DTX2: variants seen among roughly 807,000 people sequenced by gnomAD.
The protein encoded by DTX2 is deltex E3 ubiquitin ligase 2, also known as probable E3 ubiquitin-protein ligase DTX2.
A neutral mutation model predicts 55.3 loss-of-function variants in DTX2; 29 were observed. The ratio of observed to expected loss-of-function variants is 0.52; its 90% CI spans 0.39 to 0.71. The LOEUF is 0.71. DTX2 is among the 30% of genes least tolerant of loss of function. DTX2 has a pLI of 0.00. For synonymous variants in DTX2, 276 were observed against 340.4 expected, an observed-to-expected ratio of 0.81 and a Z score of 2.08; for missense variants, 537 against 822.5, an observed-to-expected ratio of 0.65 and a Z score of 4.25.
At chr7:76,471,555 G>T (rs1407207599) in intron 2 of DTX2, among the ~76,000 whole-genome samples, 3 of 150,448 alleles carry the variant, frequency 2.0e-5, no homozygotes, top group South Asian at 2.1e-4. Context: ...AAGAGACAGG[G>T]TCTCGCTCTG....
At chr7:76,503,396 A>G (rs766432007) in intron 8 of DTX2, 30 bp from the exon 9 acceptor site, 110 of 1,603,920 alleles carry the variant, frequency 6.9e-5, no homozygotes, top group Non-Finnish European at 4.3e-5. Flanking sequence ...TCAGACTGCC[A>G]GCTCAGTGGG....
intron 2 of DTX2, among the ~76,000 whole-genome samples, chr7:76,468,719 A>G (rs1441798183): frequency 1.4e-5 from 1 of 70,068 alleles, no homozygotes; most frequent in Non-Finnish European, 2.6e-5. Context: ...TTGGCCTCCC[A>G]AAGTGCTGGG....
intron 2 of DTX2, among the ~76,000 whole-genome samples, chr7:76,464,551 A>T (rs1806957427): frequency 6.6e-6 from 1 of 151,324 alleles, no homozygotes; most frequent in Non-Finnish European, 1.5e-5. Flanking sequence ...TGAGGTGCCT[A>T]CCACCATACC....
rs527900839 is a variant in DTX2, at chr7:76,481,385, C to G, written c.268+608C>G. On this transcript the variant is annotated intron_variant, in intron 3 of 10. Coordinates refer to ENST00000430490, the MANE Select transcript of DTX2 (RefSeq NM_001102594.3). ...TATTTTTAGTAGAGACGGGGTTTTG[C>G]CACGTTGGCCAGGCTGGTGTCGAGC... Among the ~76,000 whole-genome samples the G allele has an allele frequency of 4.0e-3, 604 of 152,194 alleles. 4 individuals are homozygous for G. Among genetic ancestry groups the G allele is most frequent in the African/African-American group, 0.014 (571 of 41,534 alleles).
chr7:76,503,390 A>C (rs1213005206), intron 8 of DTX2, 36 bp from the exon 9 acceptor site: 1 of 1,600,464 alleles, frequency 6.2e-7, no homozygotes, highest in Admixed American at 1.7e-5. Context: ...GTGTTCTCAG[A>C]CTGCCAGCTC....
At position 76,477,462 on chromosome 7, in the gene DTX2, C is replaced by T. The variant is rs1015070806; in HGVS notation, c.-89-2959C>T. Among the ~76,000 whole-genome samples the T allele has an allele frequency of 4.0e-5, 6 of 148,728 alleles. No homozygotes were observed. The East Asian group carries it at 6.1e-4, about 15-fold the overall frequency. Reference sequence around the variant, plus strand: ...GCTGTGTGGGCACCTTATACACACCCGTCTGTGTTATCCTCATGAAAAACA... The same window carrying T: ...GCTGTGTGGGCACCTTATACACACCTGTCTGTGTTATCCTCATGAAAAACA... On this transcript the variant is annotated intron_variant, in intron 2 of 10. Coordinates refer to ENST00000430490, the MANE Select transcript of DTX2 (RefSeq NM_001102594.3).
intron 5 of DTX2, among the ~76,000 whole-genome samples, chr7:76,494,801 C>T (rs536638331): frequency 1.6e-5 from 2 of 128,272 alleles, no homozygotes; most frequent in East Asian, 4.9e-4. Context: ...AGTGTTGGTA[C>T]CTACTGGGGG....
At chr7:76,481,578 G>A (rs868453604) in intron 3 of DTX2, among the ~76,000 whole-genome samples, 99 of 152,174 alleles carry the variant, frequency 6.5e-4, no homozygotes, top group Middle Eastern at 6.8e-3. Context: ...TGTCACTGGG[G>A]GTGATTTTGT....
intron 2 of DTX2, among the ~76,000 whole-genome samples, chr7:76,479,919 G>C (rs1009753527): frequency 4.6e-5 from 7 of 150,890 alleles, no homozygotes; most frequent in African/African-American, 1.5e-4. Context: ...CGGTACGTAG[G>C]CTGCGGGATT....
At chr7:76,474,071 G>A (rs1447733856) in intron 2 of DTX2, among the ~76,000 whole-genome samples, 3 of 150,172 alleles carry the variant, frequency 2.0e-5, no homozygotes, top group Admixed American at 6.6e-5. Flanking sequence ...ACAGGCATGT[G>A]CCACCACGCC....
chr7:76,469,248 C>T lies in DTX2; in HGVS notation c.-90+5539C>T, dbSNP rs533333806. Among the ~76,000 whole-genome samples the T allele has an allele frequency of 8.2e-3, 1,234 of 149,924 alleles. 4 individuals carry two copies. Among genetic ancestry groups the T allele is most frequent in the Non-Finnish European group, 0.014 (979 of 67,712 alleles). On this transcript the variant is annotated intron_variant, in intron 2 of 10. Coordinates refer to ENST00000430490, the MANE Select transcript of DTX2 (RefSeq NM_001102594.3). ...GGTAGCTGTGGCCACCCAGAGAGGACGTTCCAGCCACCATTGCAGTTTAGC... is the reference window on the plus strand; with the variant it reads ...GGTAGCTGTGGCCACCCAGAGAGGATGTTCCAGCCACCATTGCAGTTTAGC...
At chr7:76,468,758 ATTTTTTTT>A (rs3972784) in intron 2 of DTX2, among the ~76,000 whole-genome samples, 3 of 27,044 alleles carry the variant, frequency 1.1e-4, no homozygotes, top group African/African-American at 6.2e-4. Flanking sequence ...CACGCCCAGC[ATTTTTTTT>A]TTTTTTTTTT....
chr7:76,467,083 C>G (rs1430414891), intron 2 of DTX2, among the ~76,000 whole-genome samples: 3 of 151,858 alleles, frequency 2.0e-5, no homozygotes, highest in African/African-American at 7.3e-5. Context: ...AAAGTTTGTG[C>G]AGAGGCAGCT....
At chr7:76,476,987 G>A (rs534528103) in intron 2 of DTX2, 3 of 152,224 alleles carry the variant, frequency 2.0e-5, no homozygotes, top group Admixed American at 2.0e-4. Flanking sequence ...CGGGCCATGA[G>A]GACATGTTGG....
chr7:76,482,882 C>G lies in DTX2; in HGVS notation c.643C>G (p.Arg215Gly). 6.2e-7 allele frequency: 1 copy of G among 1,613,870 alleles called. No individual in the cohort carries two copies. Residue 215 changes from arginine to glycine, a missense_variant, in exon 4 of 11, where the codon CGC (arginine) becomes GGC (glycine). By Grantham distance (125) the Arg-to-Gly change is moderately radical. Transcript: ENST00000430490. ...SRTGPVSGRY[R>G]HSMTNLPAYP... Reference sequence around the variant, plus strand: ...AACTGGCCCCGTGTCAGGCCGCTACCGCCACTCCATGACCAACCTCCCTGC... The same window carrying G: ...AACTGGCCCCGTGTCAGGCCGCTACGGCCACTCCATGACCAACCTCCCTGC...
At chr7:76,495,874 G>C (rs1314690843) in intron 5 of DTX2, among the ~76,000 whole-genome samples, 2 of 140,234 alleles carry the variant, frequency 1.4e-5, no homozygotes, top group Non-Finnish European at 3.1e-5. Context: ...CCTGGGTAGG[G>C]AGACGTGTCC....
At position 76,505,569 on chromosome 7, in the gene DTX2, G is replaced by T; in HGVS notation, c.1837G>T (p.Gly613Trp). The T allele has an allele frequency of 6.3e-7, 1 of 1,594,082 alleles. No individual in the cohort carries two copies. Among genetic ancestry groups the T allele is most frequent in the Non-Finnish European group, 8.5e-7 (1 of 1,172,742 alleles). Residue 613 changes from glycine to tryptophan, a missense_variant, in exon 11 of 11, where the codon GGG becomes TGG. Around this residue, in one of 7 missense-constraint regions of DTX2, gnomAD observed 59 missense variants for 54.1 expected, o/e 1.09. Coordinates refer to ENST00000430490, the MANE Select transcript of DTX2 (RefSeq NM_001102594.3). This position sits in a 1 kb window ranked among gnomAD's most constrained non-coding sequence, Gnocchi z 4.4. ...QNVLAELAAQGVTEDCLEQQ is the reference protein window; with the variant it reads ...QNVLAELAAQWVTEDCLEQQ ...CGTGCTGGCTGAGCTGGCTGCCCAG[G>T]GGGTGACCGAGGACTGCCTGGAGCA...
chr7:76,505,507 C>T lies in DTX2; in HGVS notation c.1775C>T (p.Thr592Met), dbSNP rs747339432. 7.6e-5 allele frequency: 122 copies of T among 1,609,202 alleles called. 2 individuals are homozygous for T. The East Asian group carries it at 2.1e-3, about 28-fold the overall frequency. The stretch of plus-strand genomic sequence containing the variant: ...AAGACAGAGATGGACCGCAACATTA[C>T]GGGCCACGGCTATCCCGACCCCAAC... ...HHKTEMDRNI[T>M]GHGYPDPNYL... The change falls in exon 11 of 11, where the codon ACG (threonine) becomes ATG (methionine). Residue 592 changes from threonine (T) to methionine (M), a missense_variant. Thr to Met is a moderately conservative substitution (Grantham distance 81). Coordinates refer to ENST00000430490, the MANE Select transcript of DTX2 (RefSeq NM_001102594.3). This position sits in a 1 kb window ranked among gnomAD's most constrained non-coding sequence, Gnocchi z 4.4.
At chr7:76,501,585 C>T (rs1466254835) in intron 7 of DTX2, among the ~76,000 whole-genome samples, 199 of 151,384 alleles carry the variant, frequency 1.3e-3, no homozygotes, top group Non-Finnish European at 5.9e-4. Context: ...CGAGGGCGCG[C>T]CTCTCCCTGA....
Sources: allele counts gnomAD v4.1 joint callset (sites outside exome capture counted in the v4.1 genomes callset), GRCh38; gene constraint gnomAD v4.1.1; regional missense constraint gnomAD v4.1.1; non-coding constraint Gnocchi (gnomAD v3.1); transcripts MANE v1.5; gene names NCBI Gene and HGNC (gene_info 2026-07-23, HGNC 2026-07-21).